C11orf42: variants seen among roughly 807,000 people sequenced by gnomAD.
The protein encoded by C11orf42 is uncharacterized protein C11orf42.
In C11orf42, 24 loss-of-function variants were observed where a neutral mutation model predicts 27.9. That is an observed-to-expected ratio of 0.86 (90% confidence interval 0.62 to 1.21). The LOEUF (loss-of-function observed/expected upper bound fraction) is 1.21, where lower values mean the gene tolerates loss of function less well. Ranked by LOEUF, C11orf42 falls within the 50% of genes most tolerant of loss-of-function variation. The pLI is 0.00. For missense variants in C11orf42, 455 were observed against 424.1 expected, an observed-to-expected ratio of 1.07 and a Z score of -0.64; for synonymous variants, 187 against 180.8, an observed-to-expected ratio of 1.03 and a Z score of -0.28.
chr11:6,208,253 C>A (rs1225012148), intron 1 of C11orf42, among the ~76,000 whole-genome samples: 1 of 151,960 alleles, frequency 6.6e-6, no homozygotes, highest in Non-Finnish European at 1.5e-5. Context: ...TGAAAGTATA[C>A]CGTAACTAAC....
Position 6,210,896 on chromosome 11 carries a change from T to C in C11orf42, c.872-16T>C. ...CCAGCCATGAGTCAAGCTGTGACTA[T>C]CCCCAACCCTGGCAGAGAACTGGCT... On this transcript the variant is annotated splice_polypyrimidine_tract_variant and intron_variant, in intron 2 of 2. Transcript: ENST00000316375. This position sits in a 1 kb window ranked among gnomAD's most constrained non-coding sequence, Gnocchi z 4.0. 6.3e-7 allele frequency: 1 copy of C among 1,593,722 alleles called. No homozygotes were observed. Among genetic ancestry groups the C allele is most frequent in the South Asian group, 1.1e-5 (1 of 88,782 alleles).
At chr11:6,207,966 A>C (rs1029917140) in intron 1 of C11orf42, among the ~76,000 whole-genome samples, 2 of 152,202 alleles carry the variant, frequency 1.3e-5, no homozygotes, top group African/African-American at 4.8e-5. Context: ...AGAGTACAGC[A>C]CTGTAAGCAC....
chr11:6,211,029 A>T lies in C11orf42; in HGVS notation c.989A>T (p.Asp330Val). The change falls in exon 3 of 3, where the codon GAC (aspartate) becomes GTC (valine). Residue 330 changes from aspartate to valine, a missense_variant. Physicochemically the swap from Asp to Val is radical, Grantham distance 152 (BLOSUM62 -3). Coordinates refer to ENST00000316375, the MANE Select transcript of C11orf42 (RefSeq NM_173525.3). ...CTGCAGGGTCTATCCTCAGAGTTCG[A>T]CAGTGACGACTGAAGCTGAAGCAAA... The part of the protein sequence containing the change: ...PLLQGLSSEF[D>V]SDD The T allele has an allele frequency of 6.2e-7, 1 of 1,610,754 alleles. No homozygotes were observed. Among genetic ancestry groups the T allele is most frequent in the Non-Finnish European group, 8.5e-7 (1 of 1,178,964 alleles).
At chr11:6,207,313 T>C (rs909940271) in intron 1 of C11orf42, among the ~76,000 whole-genome samples, 8 of 152,162 alleles carry the variant, frequency 5.3e-5, no homozygotes, top group African/African-American at 1.9e-4. Flanking sequence ...TGTCAGCATA[T>C]AGGAAGAGCG....
rs1343808102 is a variant in C11orf42 at position 6,211,074 on chromosome 11, C to T, written c.*32C>T. 2 of 1,607,868 alleles carry T rather than the reference C, an allele frequency of 1.2e-6. No homozygotes were observed. Among genetic ancestry groups the T allele is most frequent in the Non-Finnish European group, 8.5e-7 (1 of 1,178,380 alleles). On this transcript the variant is annotated 3_prime_UTR_variant, in exon 3 of 3. Coordinates refer to ENST00000316375, the MANE Select transcript of C11orf42 (RefSeq NM_173525.3). ...AGCAAAAGATTCCGGGGGCAAAGCC[C>T]CCAAGATCTGGCATAGGGGTACTGG...
In C11orf42 at chr11:6,210,481, C is replaced by T; in HGVS notation, c.704C>T (p.Pro235Leu). ...AGACCCAACCTCAGCATCATGCCGC[C>T]TCTGGCCCCCACATCAGCACCTGCT... ...WVRPNLSIMP[P>L]LAPTSAPADT... The change falls in exon 2 of 3, where the codon CCT becomes CTT. Residue 235 changes from proline to leucine, a missense_variant. Physicochemically the swap from Pro to Leu is moderately conservative, Grantham distance 98. Coordinates refer to ENST00000316375, the MANE Select transcript of C11orf42 (RefSeq NM_173525.3). This position sits in a 1 kb window ranked among gnomAD's most constrained non-coding sequence, Gnocchi z 4.0. 1 of 1,613,826 alleles carries T rather than the reference C, an allele frequency of 6.2e-7. No individual in the cohort carries two copies. Among genetic ancestry groups the T allele is most frequent in the African/African-American group, 1.3e-5 (1 of 75,040 alleles).
chr11:6,207,795 C>T (rs1846995508), intron 1 of C11orf42, among the ~76,000 whole-genome samples: 2 of 152,182 alleles, frequency 1.3e-5, no homozygotes, highest in Non-Finnish European at 2.9e-5. Context: ...AGTTAGCTAC[C>T]TTCCTCTTAT....
chr11:6,205,789 T>C, intron 1 of C11orf42, 102 bp downstream of exon 1: 1 of 911,346 alleles, frequency 1.1e-6, no homozygotes, highest in Non-Finnish European at 1.7e-6. Flanking sequence ...AAAACAATAA[T>C]AACCAACATT....
chr11:6,210,932 C>T lies in C11orf42; in HGVS notation c.892C>T (p.Arg298Cys), dbSNP rs753241889. 11 of 1,608,528 alleles carry T rather than the reference C, an allele frequency of 6.8e-6. No individual in the cohort carries two copies. The highest frequency in any genetic ancestry group is 3.4e-5 in the Admixed American group (2 of 58,532). ...GGCAGAGAACTGGCTCTTCAGCCCCCGCAGCCCTCCACCAGGAGCCCAGGG... is the reference window on the plus strand; with the variant it reads ...GGCAGAGAACTGGCTCTTCAGCCCCTGCAGCCCTCCACCAGGAGCCCAGGG... ...ILSENWLFSP[R>C]SPPPGAQGGG... The change falls in exon 3 of 3, where the codon CGC becomes TGC. Residue 298 changes from arginine (R) to cysteine (C), a missense_variant. By Grantham distance (180) the Arg-to-Cys change is radical. Coordinates refer to ENST00000316375, the MANE Select transcript of C11orf42 (RefSeq NM_173525.3). This position sits in a 1 kb window ranked among gnomAD's most constrained non-coding sequence, Gnocchi z 4.0.
rs757745324 is a variant in C11orf42 at position 6,210,395 on chromosome 11, C to A, written c.618C>A (p.Gly206=). 6.2e-7 allele frequency: 1 copy of A among 1,614,034 alleles called. No individual in the cohort carries two copies. The highest frequency in any genetic ancestry group is 2.2e-5 in the East Asian group (1 of 44,876). The change falls in exon 2 of 3, where the codon GGC becomes GGA. Residue 206 remains glycine, a synonymous_variant. Coordinates refer to ENST00000316375, the MANE Select transcript of C11orf42 (RefSeq NM_173525.3). This position sits in a 1 kb window ranked among gnomAD's most constrained non-coding sequence, Gnocchi z 4.0. ...TCAAGTTTTCACTGCAGTCTAAGGG[C>A]GTGCTGGGACCACAGAAGCCTCTCA... ...SCLKFSLQSK[G]VLGPQKPLTK...
At position 6,210,302 on chromosome 11, in the gene C11orf42, G is replaced by A. The variant is rs746698545; in HGVS notation, c.525G>A (p.Leu175=). The part of the protein sequence containing the change: ...VFSCSWLQLG[L]TSTAREPQLL... The stretch of plus-strand genomic sequence containing the variant: ...CTTGTTCCTGGCTGCAGCTGGGGCT[G>A]ACGTCTACAGCCCGTGAGCCCCAGC... Residue 175 remains leucine, a synonymous_variant, in exon 2 of 3, where the codon CTG becomes CTA. Coordinates refer to ENST00000316375, the MANE Select transcript of C11orf42 (RefSeq NM_173525.3). The surrounding 1 kb of genome is among the most constrained non-coding windows in gnomAD (Gnocchi z 4.0). The A allele has an allele frequency of 1.9e-6, 3 of 1,614,100 alleles. No individual in the cohort carries two copies. Among genetic ancestry groups the A allele is most frequent in the South Asian group, 1.1e-5 (1 of 91,090 alleles).
intron 1 of C11orf42, among the ~76,000 whole-genome samples, chr11:6,208,127 C>G (rs2133762758): frequency 6.6e-6 from 1 of 151,966 alleles, no homozygotes; most frequent in South Asian, 2.1e-4. Flanking sequence ...ATAGGTTTCC[C>G]AATTAGTCAT....
chr11:6,207,407 T>C (rs541069832), intron 1 of C11orf42, among the ~76,000 whole-genome samples: 12 of 152,340 alleles, frequency 7.9e-5, no homozygotes, highest in Admixed American at 6.5e-4. Flanking sequence ...ATATATTAAA[T>C]GTCACACTCC....
At position 6,210,613 on chromosome 11, in the gene C11orf42, G is replaced by A. The variant is rs777415343; in HGVS notation, c.836G>A (p.Arg279Gln). 3.2e-5 allele frequency: 52 copies of A among 1,614,008 alleles called. No homozygotes were observed. Among genetic ancestry groups the A allele is most frequent in the Non-Finnish European group, 3.5e-5 (41 of 1,180,012 alleles). Reference protein sequence around the residue: ...DKPTRFSYKGRNPFWRGPQIL... With the variant: ...DKPTRFSYKGQNPFWRGPQIL... ...CCCACCAGATTCTCCTACAAGGGCC[G>A]AAACCCCTTCTGGAGGGGGCCCCAG... The change falls in exon 2 of 3, where the codon CGA becomes CAA. Residue 279 changes from arginine (R) to glutamine (Q), a missense_variant. Arg to Gln is a conservative substitution (Grantham distance 43, BLOSUM62 1). Transcript: ENST00000316375. The surrounding 1 kb of genome is among the most constrained non-coding windows in gnomAD (Gnocchi z 4.0).
chr11:6,206,081 T>C (rs1431064896), intron 1 of C11orf42, among the ~76,000 whole-genome samples: 1 of 152,096 alleles, frequency 6.6e-6, no homozygotes, highest in African/African-American at 2.4e-5. Flanking sequence ...TTAATGAGCA[T>C]GGGAGGGTGG....
chr11:6,210,005 A>G lies in C11orf42; in HGVS notation c.228A>G (p.Pro76=). The G allele has an allele frequency of 6.2e-7, 1 of 1,614,118 alleles. No individual in the cohort carries two copies. ...GGCAGGGCCGGAGGGCACTGAAACC[A>G]GTGGGGCCACTACCAAGCCTCCTGG... ...PGRQGRRALK[P]VGPLPSLLEQ... is the part of the protein sequence containing the mutation. The change falls in exon 2 of 3, where the codon CCA becomes CCG. Residue 76 remains proline (P), a synonymous_variant. Coordinates refer to ENST00000316375, the MANE Select transcript of C11orf42 (RefSeq NM_173525.3). The surrounding 1 kb of genome is among the most constrained non-coding windows in gnomAD (Gnocchi z 4.0).
intron 1 of C11orf42, 95 bp from the exon 2 acceptor site, chr11:6,209,755 G>A: frequency 8.2e-7 from 1 of 1,224,012 alleles, no homozygotes; most frequent in Non-Finnish European, 1.2e-6. Flanking sequence ...ACATTATAGA[G>A]ATGTAACTGA....
chr11:6,208,917 G>A (rs1408151890), intron 1 of C11orf42, among the ~76,000 whole-genome samples: 1 of 152,072 alleles, frequency 6.6e-6, no homozygotes, highest in Non-Finnish European at 1.5e-5. Context: ...GCTCACATCT[G>A]TAATCTCAAC....
chr11:6,210,657 A>G lies in C11orf42; in HGVS notation c.871+9A>G. 2 of 1,610,250 alleles carry G rather than the reference A, an allele frequency of 1.2e-6. No individual in the cohort carries two copies. Among genetic ancestry groups the G allele is most frequent in the African/African-American group, 1.3e-5 (1 of 74,756 alleles). On this transcript the variant is annotated intron_variant, in intron 2 of 2. Coordinates refer to ENST00000316375, the MANE Select transcript of C11orf42 (RefSeq NM_173525.3). The surrounding 1 kb of genome is among the most constrained non-coding windows in gnomAD (Gnocchi z 4.0). ...GCCCCAGATACTGTCAGGTACTACT[A>G]GGGGAAATGATGATGAGATGGATGG...
Sources: gnomAD v4.1 joint callset for allele counts (sites outside exome capture counted in the v4.1 genomes callset) on GRCh38, gnomAD v4.1.1 for gene constraint, Gnocchi (gnomAD v3.1) non-coding constraint, MANE v1.5 for transcripts, NCBI Gene and HGNC (gene_info 2026-07-23, HGNC 2026-07-21) for gene names.